Variants in KRT8 observed in about 807,000 individuals in gnomAD.
KRT8 encodes the protein keratin, type II cytoskeletal 8.
Under a neutral mutation model 43.0 loss-of-function variants are expected in KRT8, and 24 were observed. The observed-to-expected ratio is 0.56, with a 90% CI of 0.40 to 0.78. The LOEUF (loss-of-function observed/expected upper bound fraction) is 0.78. Among genes scored for constraint, KRT8 ranks in the 30% least tolerant of loss-of-function variants. The pLI is 0.00. For synonymous variants in KRT8, 214 were observed against 261.2 expected, an observed-to-expected ratio of 0.82 and a Z score of 1.74; for missense variants, 492 against 638.4, an observed-to-expected ratio of 0.77 and a Z score of 2.47.
intron 2 of KRT8, among the ~76,000 whole-genome samples, chr12:52,917,493 A>G (rs892132195): frequency 6.6e-6 from 1 of 151,872 alleles, no homozygotes; most frequent in Non-Finnish European, 1.5e-5. Context: ...GGATCATCTG[A>G]GGTCAGGAGT....
chr12:52,926,335 C>CCCCCCCCCCCCCCCCCCCGGCCCT, intron 2 of KRT8: 1 of 703,244 alleles, frequency 1.4e-6, no homozygotes, highest in Non-Finnish European at 2.4e-6. Context: ...ACTAGCTGCC[C>CCCCCCCCCCCCCCCCCCCGGCCCT]TCCCCACCCC....
chr12:52,902,103 T>G, intron 1 of KRT8, 31 bp from the exon 2 acceptor site: 1 of 1,409,660 alleles, frequency 7.1e-7, no homozygotes, highest in Non-Finnish European at 9.9e-7. Context: ...CAAAAAGGTC[T>G]ACATCAGGCC....
upstream of KRT8, chr12:52,905,129 T>C (rs1941485267): frequency 5.7e-6 from 8 of 1,412,452 alleles, no homozygotes; most frequent in Non-Finnish European, 6.5e-6. Flanking sequence ...AAAGGCCTCG[T>C]ACCTGAGTGG....
At chr12:52,944,601 A>C (rs1422559968) in intron 2 of KRT8, among the ~76,000 whole-genome samples, 2 of 152,140 alleles carry the variant, frequency 1.3e-5, no homozygotes, top group Non-Finnish European at 2.9e-5. Context: ...CAGGGAGCTG[A>C]GGGGCTCCTA....
intron 2 of KRT8, among the ~76,000 whole-genome samples, chr12:52,932,601 GA>G (rs1942102640): frequency 6.6e-6 from 1 of 152,092 alleles, no homozygotes; most frequent in South Asian, 2.1e-4. Context: ...GATGGGAAAA[GA>G]AGCAATAAAA....
chr12:52,898,597 G>C, intron 6 of KRT8, 78 bp from the exon 7 acceptor site: 1 of 1,611,840 alleles, frequency 6.2e-7, no homozygotes. Flanking sequence ...CAAGTCCCAA[G>C]GGGCTTCAGG....
At chr12:52,928,016 C>G (rs949242738) in intron 2 of KRT8, among the ~76,000 whole-genome samples, 3 of 152,182 alleles carry the variant, frequency 2.0e-5, no homozygotes, top group Admixed American at 2.0e-4. Context: ...CAAGATTGCA[C>G]CATTGCACTC....
chr12:52,935,106 C>A (rs1334758863), intron 2 of KRT8, among the ~76,000 whole-genome samples: 2 of 149,326 alleles, frequency 1.3e-5, no homozygotes, highest in East Asian at 2.0e-4. Context: ...ATAGGCCTGG[C>A]GTGGTGGCTC....
chr12:52,918,076 GGAGGAGGAGGAGAAGAAGAAGAGGAA>G lies in KRT8; in HGVS notation c.-46-13075_-46-13050del, dbSNP rs1565725361. Among the ~76,000 whole-genome samples, 31 of 128,598 alleles carry G rather than the reference GGAGGAGGAGGAGAAGAAGAAGAGGAA, an allele frequency of 2.4e-4. 1 individual carries two copies. The highest frequency in any genetic ancestry group is 4.3e-4 in the Non-Finnish European group (27 of 62,522). The allele number at this position is 128,598 out of a possible 152,430, so 84.4% of individuals were successfully genotyped here. Reference sequence around the variant, plus strand: ...AGGAAGAAGAAGGAGAAGAAGAAGAGGAGGAGGAGGAGAAGAAGAAGAGGAAGAAGAAGAAGAAGAAGAGGAAGAAG... The same window carrying G: ...AGGAAGAAGAAGGAGAAGAAGAAGAGGAAGAAGAAGAAGAAGAGGAAGAAG... On this transcript the variant is annotated intron_variant, in intron 2 of 6. Transcript: ENST00000546826.
upstream of KRT8, among the ~76,000 whole-genome samples, chr12:52,907,660 G>A (rs1040269800): frequency 6.6e-6 from 1 of 152,074 alleles, no homozygotes; most frequent in Non-Finnish European, 1.5e-5. Context: ...CTTTTTTTCT[G>A]GGGCAGCCCA....
chr12:52,948,565 C>G (rs1031234457), intron 2 of KRT8: 1 of 217,746 alleles, frequency 4.6e-6, no homozygotes, highest in African/African-American at 2.4e-5. Flanking sequence ...GATCTCGGCT[C>G]ACTGCAACCT....
At chr12:52,906,759 G>A (rs547764684), upstream of KRT8, 10 of 455,898 alleles carry the variant, frequency 2.2e-5, no homozygotes, top group East Asian at 4.9e-4. Flanking sequence ...TTGAGGAGAG[G>A]GACAGGTGAC....
chr12:52,940,649 G>A (rs1006500792), intron 2 of KRT8, among the ~76,000 whole-genome samples: 4 of 139,096 alleles, frequency 2.9e-5, no homozygotes, highest in African/African-American at 1.1e-4. Flanking sequence ...TTTTTGAGAC[G>A]AAGTCTCCCT....
chr12:52,916,861 G>A (rs1362007075), intron 2 of KRT8, among the ~76,000 whole-genome samples: 2 of 152,168 alleles, frequency 1.3e-5, no homozygotes, highest in African/African-American at 4.8e-5. Flanking sequence ...AGGTGCCTGG[G>A]ATAGAGAGGA....
At chr12:52,928,812 G>A (rs1308451901) in intron 2 of KRT8, among the ~76,000 whole-genome samples, 3 of 152,098 alleles carry the variant, frequency 2.0e-5, no homozygotes, top group Admixed American at 6.6e-5. Flanking sequence ...AGGCTGAAGC[G>A]AGAGAATCGC....
At chr12:52,928,375 C>T (rs1346572759) in intron 2 of KRT8, among the ~76,000 whole-genome samples, 2 of 152,154 alleles carry the variant, frequency 1.3e-5, no homozygotes, top group Non-Finnish European at 2.9e-5. Flanking sequence ...AATGCCCCTA[C>T]CATTATGCAT....
chr12:52,915,694 A>G lies in KRT8; in HGVS notation c.-46-10667T>C, dbSNP rs572836133. Among the ~76,000 whole-genome samples the G allele has an allele frequency of 8.5e-5, 13 of 152,226 alleles. No individual in the cohort carries two copies. In the South Asian group the frequency reaches 2.7e-3, roughly 32 times the overall value. ...CACTGAACTCCAGCCCAGCCTGGGT[A>G]ACAGAGCAAGACTCCGTCTCAAAAA... On this transcript the variant is annotated intron_variant, in intron 2 of 6. Coordinates refer to the KRT8 transcript ENST00000546826.
intron 2 of KRT8, among the ~76,000 whole-genome samples, chr12:52,923,830 G>A (rs1565727859): frequency 6.6e-6 from 1 of 151,966 alleles, no homozygotes; most frequent in African/African-American, 2.4e-5. Flanking sequence ...AGTGCTTGCA[G>A]TGTAGTGAGA....
chr12:52,921,723 C>CCGGAT (rs1464247722), intron 2 of KRT8, among the ~76,000 whole-genome samples: 25 of 152,224 alleles, frequency 1.6e-4, no homozygotes, highest in Admixed American at 7.2e-4. Flanking sequence ...CCAGCTGTGG[C>CCGGAT]CGGATCTCCC....
Sources: allele counts gnomAD v4.1 joint callset (sites outside exome capture counted in the v4.1 genomes callset), GRCh38; gene constraint gnomAD v4.1.1; transcripts MANE v1.5; gene names NCBI Gene and HGNC (gene_info 2026-07-23, HGNC 2026-07-21).